The following ITFG1 variants were observed in gnomAD, a reference collection of about 807,000 sequenced individuals.
ITFG1 encodes the protein T-cell immunomodulatory protein.
ITFG1 carries 34 observed loss-of-function variants against 81.8 expected under a neutral mutation model. The ratio of observed to expected loss-of-function variants is 0.42; its 90% CI spans 0.32 to 0.55. ITFG1 has a LOEUF of 0.55. Ranked by LOEUF, ITFG1 falls within the 20% of genes least tolerant of loss-of-function variation. ITFG1 has a pLI of 0.17. For missense variants in ITFG1, 672 were observed against 755.4 expected (o/e 0.89, Z 1.29); for synonymous variants, 285 against 270.6 (o/e 1.05, Z -0.52).
chr16:47,198,767 T>C (rs1349426547), intron 14 of ITFG1, among the ~76,000 whole-genome samples: 1 of 152,150 alleles, frequency 6.6e-6, no homozygotes, highest in Non-Finnish European at 1.5e-5. Context: ...CCTAAGCTAA[T>C]GTGGGTGTTT....
intron 13 of ITFG1, among the ~76,000 whole-genome samples, chr16:47,222,122 C>T (rs1255213403): frequency 6.6e-6 from 1 of 151,904 alleles, no homozygotes; most frequent in Non-Finnish European, 1.5e-5. Context: ...TTCTTACCTT[C>T]TGCTAGCTTT....
chr16:47,243,090 T>G (rs544604313), intron 12 of ITFG1, among the ~76,000 whole-genome samples: 5 of 152,258 alleles, frequency 3.3e-5, no homozygotes, highest in Admixed American at 2.0e-4. Context: ...GCACTATTCA[T>G]AATAAGAGAT....
chr16:47,436,067 T>A (rs1160600071), intron 5 of ITFG1, among the ~76,000 whole-genome samples: 1 of 152,168 alleles, frequency 6.6e-6, no homozygotes, highest in Non-Finnish European at 1.5e-5. Flanking sequence ...TTGTACATCT[T>A]TCCCTTTTAT....
chr16:47,276,140 T>C lies in ITFG1; in HGVS notation c.1071-15445A>G, dbSNP rs62060616. On this transcript the variant is annotated intron_variant, in intron 10 of 17. Transcript: ENST00000320640. Reference sequence around the variant, plus strand: ...TTTTTATTTTCAAATGAAATAATTATCTATATAGGAAATCCAAGAGAATAT... The same window carrying C: ...TTTTTATTTTCAAATGAAATAATTACCTATATAGGAAATCCAAGAGAATAT... 5.4e-3 allele frequency among the ~76,000 whole-genome samples: 828 copies of C among 152,198 alleles called. 6 individuals are homozygous for C. The highest frequency in any genetic ancestry group is 8.6e-3 in the Admixed American group (132 of 15,288).
At chr16:47,441,056 C>T (rs1057307130) in intron 5 of ITFG1, among the ~76,000 whole-genome samples, 4 of 152,118 alleles carry the variant, frequency 2.6e-5, no homozygotes, top group East Asian at 1.9e-4. Flanking sequence ...AACACCTCTA[C>T]GCAAATAAAC....
At chr16:47,352,905 G>C (rs570367996) in intron 8 of ITFG1, among the ~76,000 whole-genome samples, 3 of 152,288 alleles carry the variant, frequency 2.0e-5, no homozygotes, top group Admixed American at 6.5e-5. Context: ...CATCTCCTTT[G>C]TAGCGACATG....
At chr16:47,283,320 A>G (rs948039941) in intron 10 of ITFG1, among the ~76,000 whole-genome samples, 2 of 152,168 alleles carry the variant, frequency 1.3e-5, no homozygotes, top group Non-Finnish European at 2.9e-5. Context: ...TTTTCCCAGC[A>G]TCATTCTTTG....
rs767262724 is a variant in ITFG1 at position 47,161,843 on chromosome 16, A to C, written c.1579-11T>G. 4 of 1,502,214 alleles carry C rather than the reference A, an allele frequency of 2.7e-6. No individual in the cohort carries two copies. In the African/African-American group the frequency reaches 4.1e-5, roughly 15 times the overall value. 93.1% of individuals were successfully genotyped at this position (1,502,214 alleles called of 1,614,324 possible). A position where few individuals can be genotyped will look rare whatever the true frequency, so the allele number is the denominator to read the frequency against. ...TTGTTTTCGTATAGACTGGAAGAAG[A>C]ATTTAAGAACATTTAACATTCAGCA... On this transcript the variant is annotated splice_polypyrimidine_tract_variant and intron_variant, in intron 15 of 17. Coordinates refer to ENST00000320640, the MANE Select transcript of ITFG1 (RefSeq NM_030790.5).
At chr16:47,266,939 C>T (rs1385603627) in intron 10 of ITFG1, among the ~76,000 whole-genome samples, 1 of 151,910 alleles carries the variant, frequency 6.6e-6, no homozygotes, top group Non-Finnish European at 1.5e-5. Flanking sequence ...AAGCCAGTCA[C>T]AAAGGACAAC....
chr16:47,192,215 T>G (rs1412098433), intron 14 of ITFG1, among the ~76,000 whole-genome samples: 3 of 152,234 alleles, frequency 2.0e-5, no homozygotes, highest in Non-Finnish European at 4.4e-5. Context: ...TGTAATTTGT[T>G]GTTGAAAGCT....
intron 6 of ITFG1, among the ~76,000 whole-genome samples, chr16:47,392,180 G>A (rs1360040369): frequency 2.6e-5 from 4 of 152,178 alleles, no homozygotes; most frequent in African/African-American, 9.7e-5. Flanking sequence ...TTGGGAAGCT[G>A]AGGAGGGAGG....
chr16:47,179,564 A>T (rs1023212822), intron 14 of ITFG1, among the ~76,000 whole-genome samples: 1 of 152,198 alleles, frequency 6.6e-6, no homozygotes, highest in African/African-American at 2.4e-5. Flanking sequence ...AAGTCACTAA[A>T]AATCATTGAA....
chr16:47,437,195 G>T (rs1969178145), intron 5 of ITFG1, among the ~76,000 whole-genome samples: 1 of 152,202 alleles, frequency 6.6e-6, no homozygotes, highest in African/African-American at 2.4e-5. Flanking sequence ...GGTGGACACA[G>T]TGGCTGGCAC....
chr16:47,340,221 GA>G (rs1468309719), intron 8 of ITFG1, among the ~76,000 whole-genome samples: 1 of 151,262 alleles, frequency 6.6e-6, no homozygotes, highest in Non-Finnish European at 1.5e-5. Context: ...GCCATATAAA[GA>G]AAAAAAATTA....
intron 5 of ITFG1, among the ~76,000 whole-genome samples, chr16:47,430,926 T>C (rs1178666037): frequency 6.6e-6 from 1 of 152,162 alleles, no homozygotes; most frequent in Non-Finnish European, 1.5e-5. Context: ...TAACACGAAT[T>C]CCCATCAGTG....
chr16:47,243,946 G>A (rs1228879052), intron 12 of ITFG1, among the ~76,000 whole-genome samples: 2 of 152,112 alleles, frequency 1.3e-5, no homozygotes, highest in Admixed American at 6.5e-5. Context: ...CAGGAGGATC[G>A]CTTGAACCTG....
At chr16:47,348,741 T>C (rs1967900019) in intron 8 of ITFG1, among the ~76,000 whole-genome samples, 1 of 151,900 alleles carries the variant, frequency 6.6e-6, no homozygotes, top group African/African-American at 2.4e-5. Context: ...GAACAGCAAC[T>C]CCAAGACACA....
At chr16:47,335,439 C>A (rs959534022) in intron 8 of ITFG1, among the ~76,000 whole-genome samples, 1 of 152,070 alleles carries the variant, frequency 6.6e-6, no homozygotes, top group Non-Finnish European at 1.5e-5. Flanking sequence ...CATAAAAAGA[C>A]AAGCTGCAGA....
chr16:47,225,410 G>A (rs552128759), intron 13 of ITFG1, among the ~76,000 whole-genome samples: 1 of 152,148 alleles, frequency 6.6e-6, no homozygotes, highest in South Asian at 2.1e-4. Context: ...ACATTAACCT[G>A]TACACCCAAA....
Sources: gnomAD v4.1 joint callset for allele counts (sites outside exome capture counted in the v4.1 genomes callset) on GRCh38, gnomAD v4.1.1 for gene constraint, MANE v1.5 for transcripts, NCBI Gene and HGNC (gene_info 2026-07-23, HGNC 2026-07-21) for gene names.